MAN1A1: variants seen among roughly 807,000 people sequenced by gnomAD.
MAN1A1 encodes mannosidase alpha class 1A member 1.
Under a neutral mutation model 70.8 loss-of-function variants are expected in MAN1A1, and 29 were observed. The observed-to-expected ratio is 0.41, with a 90% CI of 0.31 to 0.56. The LOEUF (loss-of-function observed/expected upper bound fraction) is 0.56. Ranked by LOEUF, MAN1A1 falls within the 20% of genes least tolerant of loss-of-function variation. The pLI, the probability that MAN1A1 is intolerant of heterozygous loss-of-function variation, is 0.29. For synonymous variants in MAN1A1, 349 were observed against 330.1 expected (o/e 1.06, Z -0.62); for missense variants, 747 against 841.3 (o/e 0.89, Z 1.39).
At chr6:119,180,923 T>C (rs886614317) in intron 11 of MAN1A1, among the ~76,000 whole-genome samples, 1 of 152,226 alleles carries the variant, frequency 6.6e-6, no homozygotes, top group African/African-American at 2.4e-5. Flanking sequence ...AATGAAGTCA[T>C]AGAACATATG....
chr6:119,182,345 CTT>C (rs1773173665), intron 11 of MAN1A1, among the ~76,000 whole-genome samples: 1 of 152,006 alleles, frequency 6.6e-6, no homozygotes, highest in Non-Finnish European at 1.5e-5. Flanking sequence ...TGTAAGGAAA[CTT>C]TTTAGTTTGA....
In MAN1A1 at chr6:119,256,414, AT is replaced by A. The variant is rs5879493; in HGVS notation, c.898-8061del. Among the ~76,000 whole-genome samples, 299 of 147,810 alleles carry A rather than the reference AT, an allele frequency of 2.0e-3. 3 individuals carry two copies. Among genetic ancestry groups the A allele is most frequent in the African/African-American group, 6.9e-3 (276 of 40,224 alleles). Reference sequence around the variant, plus strand: ...TGAATGAATAAAATTGTATCTCATTATTTTTTTTTTTTTCATGAGAGAGGAC... The same window carrying A: ...TGAATGAATAAAATTGTATCTCATTATTTTTTTTTTTTCATGAGAGAGGAC... On this transcript the variant is annotated intron_variant, in intron 5 of 12. Transcript: ENST00000368468.
At chr6:119,253,195 C>A (rs1364366943) in intron 5 of MAN1A1, among the ~76,000 whole-genome samples, 1 of 152,142 alleles carries the variant, frequency 6.6e-6, no homozygotes, top group Non-Finnish European at 1.5e-5. Context: ...CTCCAAAGCA[C>A]TTCCCAAAGC....
rs1204218267 is a variant in MAN1A1, at chr6:119,188,744, A to G, written c.1547-167T>C. On this transcript the variant is annotated intron_variant, in intron 10 of 12. Transcript: ENST00000368468. ...CCATGGATCCTTGAGTCCCTTATAT[A>G]AAATGGCAAAGTATTCGCATACAAC... Among the ~76,000 whole-genome samples the G allele has an allele frequency of 6.6e-5, 10 of 152,340 alleles. No individual in the cohort carries two copies. The East Asian group carries it at 1.9e-3, about 29-fold the overall frequency.
intron 5 of MAN1A1, among the ~76,000 whole-genome samples, chr6:119,259,137 C>T (rs967582483): frequency 2.0e-5 from 3 of 152,156 alleles, no homozygotes; most frequent in African/African-American, 7.2e-5. Context: ...TTCTATAGTC[C>T]TACTGCTTCT....
intron 2 of MAN1A1, among the ~76,000 whole-genome samples, chr6:119,339,083 GAGAA>G (rs1773537857): frequency 6.6e-6 from 1 of 152,112 alleles, no homozygotes; most frequent in African/African-American, 2.4e-5. Context: ...ATCAACACAG[GAGAA>G]AGTGTTGATC....
intron 5 of MAN1A1, among the ~76,000 whole-genome samples, chr6:119,265,452 G>A (rs1775727218): frequency 6.6e-6 from 1 of 152,068 alleles, no homozygotes. Flanking sequence ...AACTAGAGAT[G>A]TATGTAAATA....
intron 6 of MAN1A1, among the ~76,000 whole-genome samples, chr6:119,214,060 G>A (rs141443606): frequency 6.6e-6 from 1 of 152,138 alleles, no homozygotes; most frequent in African/African-American, 2.4e-5. Context: ...CGCCTCTTGG[G>A]TTCAAGCAAT....
At chr6:119,264,427 G>A (rs1048673638) in intron 5 of MAN1A1, among the ~76,000 whole-genome samples, 3 of 152,154 alleles carry the variant, frequency 2.0e-5, no homozygotes, top group Admixed American at 6.5e-5. Context: ...ATAATCTTTA[G>A]TCTGGCAAAT....
intron 5 of MAN1A1, among the ~76,000 whole-genome samples, chr6:119,259,237 T>G (rs1169032736): frequency 6.6e-6 from 1 of 152,182 alleles, no homozygotes; most frequent in Non-Finnish European, 1.5e-5. Context: ...TTGTAAACAG[T>G]TACCTGCACA....
chr6:119,189,360 G>C (rs1484971783), intron 10 of MAN1A1, among the ~76,000 whole-genome samples: 1 of 152,148 alleles, frequency 6.6e-6, no homozygotes, highest in African/African-American at 2.4e-5. Flanking sequence ...AAAATGCTAA[G>C]TTTCTCTTTG....
chr6:119,325,427 G>A (rs1451666935), intron 2 of MAN1A1, among the ~76,000 whole-genome samples: 3 of 152,224 alleles, frequency 2.0e-5, no homozygotes, highest in Non-Finnish European at 4.4e-5. Context: ...GGAGGCCGAG[G>A]TGGGTGGATC....
intron 6 of MAN1A1, among the ~76,000 whole-genome samples, chr6:119,213,008 C>T (rs1272024524): frequency 1.3e-5 from 2 of 151,958 alleles, no homozygotes; most frequent in Admixed American, 6.5e-5. Flanking sequence ...TAATATGAAG[C>T]GAGTTTAGGA....
At position 119,177,545 on chromosome 6, in the gene MAN1A1, GCA is replaced by G. The variant is rs1773039132; in HGVS notation, c.*2272_*2273del. On this transcript the variant is annotated 3_prime_UTR_variant, in exon 13 of 13. Coordinates refer to ENST00000368468, the MANE Select transcript of MAN1A1 (RefSeq NM_005907.4). The stretch of plus-strand genomic sequence containing the variant: ...TGTGAATACGTATACAAATTTAACT[GCA>G]CAGTTTTGTTGAAAATAAGTTTCAA... 6.6e-6 allele frequency: 1 copy of G among 152,002 alleles called. No individual in the cohort carries two copies. The allele number at this position is 152,002 out of a possible 1,614,324, so 9.4% of individuals were successfully genotyped here.
chr6:119,235,531 G>A (rs894000054), intron 6 of MAN1A1, among the ~76,000 whole-genome samples: 1 of 152,172 alleles, frequency 6.6e-6, no homozygotes, highest in African/African-American at 2.4e-5. Flanking sequence ...GCTAGCAGAG[G>A]TTGGTTCATG....
At chr6:119,210,992 A>G (rs1774036530) in intron 6 of MAN1A1, 3 of 425,522 alleles carry the variant, frequency 7.1e-6, no homozygotes, top group East Asian at 1.5e-4. Context: ...ACACACAATC[A>G]TTTATATCAA....
At chr6:119,332,382 A>C (rs9489688) in intron 2 of MAN1A1, among the ~76,000 whole-genome samples, 3,601 of 152,332 alleles carry the variant, frequency 0.024, 145 homozygotes, top group African/African-American at 0.082. Context: ...ATAACTGAGA[A>C]GCTGCACTTT....
chr6:119,177,239 A>C lies in MAN1A1; in HGVS notation c.*2580T>G, dbSNP rs1400530254. The C allele has an allele frequency of 6.6e-6, 1 of 152,146 alleles. No individual in the cohort carries two copies. Among genetic ancestry groups the C allele is most frequent in the Non-Finnish European group, 1.5e-5 (1 of 67,974 alleles). The allele number at this position is 152,146 out of a possible 1,614,324, so 9.4% of individuals were successfully genotyped here. A position where few individuals can be genotyped will look rare whatever the true frequency, so the allele number is the denominator to read the frequency against. ...TAAAAGACTTTATTCACAATAGAGA[A>C]ATTTTACAAATATAATTTTTAAAAA... On this transcript the variant is annotated 3_prime_UTR_variant, in exon 13 of 13. Coordinates refer to ENST00000368468, the MANE Select transcript of MAN1A1 (RefSeq NM_005907.4).
chr6:119,241,076 G>A (rs1174746042), intron 6 of MAN1A1, among the ~76,000 whole-genome samples: 1 of 152,024 alleles, frequency 6.6e-6, no homozygotes, highest in Admixed American at 6.6e-5. Flanking sequence ...TAACCCAGAA[G>A]TTTCTAATTA....
Sources: allele counts gnomAD v4.1 joint callset (sites outside exome capture counted in the v4.1 genomes callset), GRCh38; gene constraint gnomAD v4.1.1; transcripts MANE v1.5; gene names NCBI Gene and HGNC (gene_info 2026-07-23, HGNC 2026-07-21).